Variants in KIAA0319L observed in about 807,000 individuals in gnomAD.
KIAA0319L encodes KIAA0319 like.
A neutral mutation model predicts 120.1 loss-of-function variants in KIAA0319L; 55 were observed. That is an observed-to-expected ratio of 0.46 (90% CI 0.37 to 0.57). The LOEUF (loss-of-function observed/expected upper bound fraction) is 0.57. Among genes scored for constraint, KIAA0319L ranks in the 20% least tolerant of loss-of-function variants. The pLI, the probability that KIAA0319L is intolerant of heterozygous loss-of-function variation, is 0.00. For synonymous variants in KIAA0319L, 398 were observed against 471.9 expected, an observed-to-expected ratio of 0.84 and a Z score of 2.03; for missense variants, 1,049 against 1,255.3, an observed-to-expected ratio of 0.84 and a Z score of 2.48.
intron 2 of KIAA0319L, among the ~76,000 whole-genome samples, chr1:35,545,609 AAAG>A (rs1318493256): frequency 6.6e-6 from 1 of 152,212 alleles, no homozygotes; most frequent in Non-Finnish European, 1.5e-5. Context: ...GAAGGACAGA[AAAG>A]AATAGAGAAT....
chr1:35,520,075 G>A (rs1645847342), intron 2 of KIAA0319L, among the ~76,000 whole-genome samples: 1 of 151,800 alleles, frequency 6.6e-6, no homozygotes, highest in Non-Finnish European at 1.5e-5. Context: ...TCCCACAGTA[G>A]CCACCCTCAA....
intron 13 of KIAA0319L, 37 bp downstream of exon 13, chr1:35,451,591 T>C: frequency 1.2e-6 from 2 of 1,602,578 alleles, no homozygotes; most frequent in Non-Finnish European, 1.7e-6. Flanking sequence ...TATCTGACCC[T>C]AAGAGGCTGC....
chr1:35,544,180 C>A (rs1229632598), intron 2 of KIAA0319L, among the ~76,000 whole-genome samples: 1 of 151,882 alleles, frequency 6.6e-6, no homozygotes, highest in Non-Finnish European at 1.5e-5. Flanking sequence ...CCAGCCTGGG[C>A]AACACAGTGA....
At chr1:35,507,701 A>G (rs922017750) in intron 2 of KIAA0319L, among the ~76,000 whole-genome samples, 4 of 152,206 alleles carry the variant, frequency 2.6e-5, no homozygotes, top group Non-Finnish European at 5.9e-5. Flanking sequence ...TCTTTAACCA[A>G]TCATTTGCCA....
chr1:35,475,300 A>G (rs1231274877), intron 4 of KIAA0319L, among the ~76,000 whole-genome samples: 1 of 152,086 alleles, frequency 6.6e-6, no homozygotes, highest in Non-Finnish European at 1.5e-5. Flanking sequence ...CCTATATACT[A>G]CATTCCACAG....
At chr1:35,445,206 T>C (rs1641529199) in intron 16 of KIAA0319L, among the ~76,000 whole-genome samples, 1 of 152,164 alleles carries the variant, frequency 6.6e-6, no homozygotes, top group Admixed American at 6.5e-5. Flanking sequence ...ATGGTATCAT[T>C]TTCCAGGCAT....
At chr1:35,495,349 G>C (rs1318331152) in intron 3 of KIAA0319L, among the ~76,000 whole-genome samples, 2 of 152,132 alleles carry the variant, frequency 1.3e-5, no homozygotes, top group Non-Finnish European at 2.9e-5. Context: ...CTCCAGCCCA[G>C]GTGAGACTCT....
chr1:35,548,489 T>C (rs951209081), intron 2 of KIAA0319L, among the ~76,000 whole-genome samples: 3 of 152,116 alleles, frequency 2.0e-5, no homozygotes, highest in Non-Finnish European at 1.5e-5. Context: ...ACAAGACAAA[T>C]CCCTCGGGCA....
At chr1:35,504,337 C>T (rs1645125369) in intron 3 of KIAA0319L, among the ~76,000 whole-genome samples, 1 of 152,096 alleles carries the variant, frequency 6.6e-6, no homozygotes, top group East Asian at 1.9e-4. Flanking sequence ...GCTGGGACTA[C>T]AGGCGCCTGC....
chr1:35,511,246 A>C (rs1645430600), intron 2 of KIAA0319L: 1 of 153,470 alleles, frequency 6.5e-6, no homozygotes, highest in African/African-American at 2.4e-5. Flanking sequence ...CTTATTGGAC[A>C]TCAAGGAATT....
chr1:35,517,313 T>C (rs1488865822), intron 2 of KIAA0319L, among the ~76,000 whole-genome samples: 1 of 152,140 alleles, frequency 6.6e-6, no homozygotes, highest in African/African-American at 2.4e-5. Context: ...CTTCTAACTA[T>C]ACTACAGGGC....
At chr1:35,532,626 C>T (rs1452294113) in intron 2 of KIAA0319L, among the ~76,000 whole-genome samples, 1 of 152,168 alleles carries the variant, frequency 6.6e-6, no homozygotes, top group African/African-American at 2.4e-5. Context: ...CTAGAAGTAA[C>T]TGGGATAAAA....
chr1:35,437,190 G>A lies in KIAA0319L; in HGVS notation c.2963-2109C>T, dbSNP rs1303442444. 6.6e-6 allele frequency among the ~76,000 whole-genome samples: 1 copy of A among 152,148 alleles called. No homozygotes were observed. The highest frequency in any genetic ancestry group is 2.4e-5 in the African/African-American group (1 of 41,426). Reference sequence around the variant, plus strand: ...GCTCTCCCCTCTCCCTAAGATGTCCGATGTGCTGAGCTCAGGCTCCCATCC... The same window carrying A: ...GCTCTCCCCTCTCCCTAAGATGTCCAATGTGCTGAGCTCAGGCTCCCATCC... On this transcript the variant is annotated intron_variant, in intron 20 of 20. Coordinates refer to ENST00000325722, the MANE Select transcript of KIAA0319L (RefSeq NM_024874.5). This position sits in a 1 kb window ranked among gnomAD's most constrained non-coding sequence, Gnocchi z 4.1.
intron 1 of KIAA0319L, among the ~76,000 whole-genome samples, chr1:35,556,007 T>C (rs1173238199): frequency 6.6e-6 from 1 of 152,182 alleles, no homozygotes; most frequent in Non-Finnish European, 1.5e-5. Flanking sequence ...AGGGCACAAA[T>C]CACTGCTAGG....
intron 10 of KIAA0319L, among the ~76,000 whole-genome samples, chr1:35,455,573 A>AATT (rs1558318793): frequency 1.1e-5 from 1 of 93,468 alleles, no homozygotes; most frequent in Admixed American, 1.3e-4. Context: ...ATTTAAGATA[A>AATT]TTTTTTTTTT....
Position 35,482,596 on chromosome 1 carries a change from G to C in KIAA0319L, c.667-3384C>G, listed in dbSNP as rs531045066. Among the ~76,000 whole-genome samples the C allele has an allele frequency of 7.2e-5, 11 of 152,004 alleles. No homozygotes were observed. In the South Asian group the frequency reaches 1.7e-3, roughly 23 times the overall value. On this transcript the variant is annotated intron_variant, in intron 3 of 20. Coordinates refer to ENST00000325722, the MANE Select transcript of KIAA0319L (RefSeq NM_024874.5). ...AGGCATGTGCCACCACGCCCAGCTA[G>C]TTTTGTATTTTTAGTAGAGACTGGG...
rs76265980 is a variant in KIAA0319L, at chr1:35,453,771, A to G, written c.1781-82T>C. On this transcript the variant is annotated intron_variant, in intron 11 of 20. Transcript: ENST00000325722. This position sits in a 1 kb window ranked among gnomAD's most constrained non-coding sequence, Gnocchi z 4.1. ...AACCAATTGGGACACATGTTCTGGAAGCCATGGACTCTGCCTCTCAGGCCA... is the reference window on the plus strand; with the variant it reads ...AACCAATTGGGACACATGTTCTGGAGGCCATGGACTCTGCCTCTCAGGCCA... 4,265 of 1,400,810 alleles carry G rather than the reference A, an allele frequency of 3.0e-3. 99 individuals are homozygous for G. The African/African-American group carries it at 0.048, about 16-fold the overall frequency. The allele number at this position is 1,400,810 out of a possible 1,614,324, so 86.8% of individuals were successfully genotyped here.
At chr1:35,549,139 C>T (rs916959947) in intron 2 of KIAA0319L, among the ~76,000 whole-genome samples, 10 of 151,978 alleles carry the variant, frequency 6.6e-5, no homozygotes, top group African/African-American at 2.4e-4. Flanking sequence ...CAGTCTTGAA[C>T]TCCCGGGCTC....
chr1:35,445,958 A>G (rs1641588912), intron 16 of KIAA0319L, among the ~76,000 whole-genome samples: 1 of 152,040 alleles, frequency 6.6e-6, no homozygotes, highest in African/African-American at 2.4e-5. Flanking sequence ...TTGCCAGCCA[A>G]TTCCCGCCAG....
Sources: gnomAD v4.1 joint callset for allele counts (sites outside exome capture counted in the v4.1 genomes callset) on GRCh38, gnomAD v4.1.1 for gene constraint, Gnocchi (gnomAD v3.1) non-coding constraint, MANE v1.5 for transcripts, NCBI Gene and HGNC (gene_info 2026-07-23, HGNC 2026-07-21) for gene names.